WDR27: variants seen among roughly 807,000 people sequenced by gnomAD.
The protein encoded by WDR27 is WD repeat-containing protein 27.
Under a neutral mutation model 114.4 loss-of-function variants are expected in WDR27, and 100 were observed. That is an observed-to-expected ratio of 0.87 (90% CI 0.74 to 1.03). The LOEUF is 1.03. WDR27 is among the 50% of genes least tolerant of loss of function. The probability of loss-of-function intolerance (pLI) is 0.00; values close to 1 mark genes in which losing one functional copy is unlikely to be tolerated. For missense variants in WDR27, 1,129 were observed against 1,092.9 expected, an observed-to-expected ratio of 1.03 and a Z score of -0.47; for synonymous variants, 449 against 423.1, an observed-to-expected ratio of 1.06 and a Z score of -0.75.
chr6:169,435,179 G>A, the WDR27 span, among the ~76,000 whole-genome samples: 26 of 152,344 alleles, frequency 1.7e-4, no homozygotes, highest in African/African-American at 6.3e-4. Flanking sequence ...TTGAGGTTTG[G>A]GAACCTCCAC....
In WDR27 at chr6:169,541,132, GAA is replaced by G. The variant is rs200558026; in HGVS notation, c.2645+31285_2645+31286del. Among the ~76,000 whole-genome samples the G allele has an allele frequency of 7.3e-5, 10 of 136,630 alleles. No individual in the cohort carries two copies. In the East Asian group the frequency reaches 1.4e-3, roughly 19 times the overall value. The allele number at this position is 136,630 out of a possible 152,430, so 89.6% of individuals were successfully genotyped here. ...AATAAGGACCATTAAGGAAAGGCAA[GAA>G]AAAAAAAAACCCTAAAATAGAAATG... On this transcript the variant is annotated intron_variant, in intron 25 of 25. Coordinates refer to ENST00000448612, the MANE Select transcript of WDR27 (RefSeq NM_182552.5).
chr6:169,547,626 C>A (rs573066453), intron 25 of WDR27, among the ~76,000 whole-genome samples: 1 of 152,128 alleles, frequency 6.6e-6, no homozygotes, highest in East Asian at 1.9e-4. Context: ...AATAAAAATT[C>A]TCAGTAAACT....
At chr6:169,569,191 G>A (rs1800973339) in intron 25 of WDR27, among the ~76,000 whole-genome samples, 1 of 151,990 alleles carries the variant, frequency 6.6e-6, no homozygotes. Flanking sequence ...TTGTACACAG[G>A]AAAATTATTT....
intron 25 of WDR27, among the ~76,000 whole-genome samples, chr6:169,553,811 T>C (rs1798516897): frequency 6.6e-6 from 1 of 152,146 alleles, no homozygotes; most frequent in Non-Finnish European, 1.5e-5. Flanking sequence ...GTTCATAATA[T>C]ATTGTGTTCC....
intron 23 of WDR27, among the ~76,000 whole-genome samples, chr6:169,601,365 A>C (rs1342072930): frequency 6.6e-6 from 1 of 152,232 alleles, no homozygotes; most frequent in Non-Finnish European, 1.5e-5. Flanking sequence ...AGATTCATCA[A>C]ATGAATCTTC....
intron 25 of WDR27, among the ~76,000 whole-genome samples, chr6:169,469,271 T>G (rs1786025923): frequency 6.6e-6 from 1 of 152,208 alleles, no homozygotes; most frequent in South Asian, 2.1e-4. Context: ...TGTTAACCTT[T>G]GAAAACGAAA....
At chr6:169,666,120 T>C (rs1585030757) in intron 6 of WDR27, among the ~76,000 whole-genome samples, 1 of 152,268 alleles carries the variant, frequency 6.6e-6, no homozygotes, top group South Asian at 2.1e-4. Flanking sequence ...TATTGAAAAA[T>C]ACTACATATC....
chr6:169,567,221 C>T (rs1401320499), intron 25 of WDR27, among the ~76,000 whole-genome samples: 5 of 152,210 alleles, frequency 3.3e-5, no homozygotes, highest in Admixed American at 3.3e-4. Context: ...AGGTCAGTCA[C>T]GCACACTTTG....
intron 17 of WDR27, among the ~76,000 whole-genome samples, chr6:169,642,121 T>C (rs1373561798): frequency 6.6e-6 from 1 of 152,226 alleles, no homozygotes; most frequent in Admixed American, 6.5e-5. Flanking sequence ...AGGAGAGAAT[T>C]TGAATTTATA....
At chr6:169,579,265 G>A (rs1802967905) in intron 24 of WDR27, among the ~76,000 whole-genome samples, 1 of 152,208 alleles carries the variant, frequency 6.6e-6, no homozygotes, top group African/African-American at 2.4e-5. Context: ...TGTGGAGGTA[G>A]AAGAGAGAGC....
intron 25 of WDR27, among the ~76,000 whole-genome samples, chr6:169,521,732 T>G (rs1206831095): frequency 1.3e-5 from 2 of 152,080 alleles, no homozygotes; most frequent in Admixed American, 6.6e-5. Context: ...GTCATTTATT[T>G]AAAATAACTT....
Position 169,533,109 on chromosome 6 carries a change from G to A in WDR27, c.2645+39310C>T, listed in dbSNP as rs1401766646. ...AAAGCCTGAGACCTGCTCAGAGGAA[G>A]ACAGGCTCCCAGGGAAGAACACATG... On this transcript the variant is annotated intron_variant, in intron 25 of 25. Transcript: ENST00000448612. Among the ~76,000 whole-genome samples the A allele has an allele frequency of 5.9e-5, 9 of 152,318 alleles. 1 individual carries two copies. The East Asian group carries it at 1.2e-3, about 20-fold the overall frequency.
At chr6:169,631,707 C>T (rs904485985) in intron 21 of WDR27, among the ~76,000 whole-genome samples, 2 of 152,162 alleles carry the variant, frequency 1.3e-5, no homozygotes, top group Admixed American at 1.3e-4. Context: ...ATGCTGCACC[C>T]GTTAAAGTCT....
At chr6:169,671,069 A>T in intron 3 of WDR27, 1 of 164,546 alleles carries the variant, frequency 6.1e-6, no homozygotes, top group Non-Finnish European at 1.3e-5. Flanking sequence ...TTGGAAGGAA[A>T]GGAGTAGGAG....
chr6:169,652,576 C>T (rs1246353369), intron 13 of WDR27, among the ~76,000 whole-genome samples: 2 of 152,198 alleles, frequency 1.3e-5, no homozygotes, highest in African/African-American at 2.4e-5. Context: ...CATAGCACTA[C>T]CAGTTGACAA....
the WDR27 span, among the ~76,000 whole-genome samples, chr6:169,447,759 C>G: frequency 6.6e-6 from 1 of 152,192 alleles, no homozygotes; most frequent in African/African-American, 2.4e-5. Flanking sequence ...GTACTTCCTT[C>G]AGGACAAATT....
intron 23 of WDR27, among the ~76,000 whole-genome samples, chr6:169,601,262 T>C (rs1807920175): frequency 6.6e-6 from 1 of 152,242 alleles, no homozygotes; most frequent in Non-Finnish European, 1.5e-5. Context: ...AAGCAAATGC[T>C]GAGAGATTCT....
intron 25 of WDR27, among the ~76,000 whole-genome samples, chr6:169,517,541 A>G (rs1793829033): frequency 6.6e-6 from 1 of 152,160 alleles, no homozygotes; most frequent in Non-Finnish European, 1.5e-5. Flanking sequence ...ACAAAAATAC[A>G]TTTATGCTAT....
intron 17 of WDR27, among the ~76,000 whole-genome samples, chr6:169,638,960 G>A (rs1351849277): frequency 2.6e-5 from 4 of 152,202 alleles, no homozygotes; most frequent in African/African-American, 7.2e-5. Flanking sequence ...TGTTAGGAGC[G>A]TGTACTGCAT....
Sources: gnomAD v4.1 joint callset for allele counts (sites outside exome capture counted in the v4.1 genomes callset) on GRCh38, gnomAD v4.1.1 for gene constraint, MANE v1.5 for transcripts, NCBI Gene and HGNC (gene_info 2026-07-23, HGNC 2026-07-21) for gene names.